RAP1GDS1: variants seen among roughly 807,000 people sequenced by gnomAD.
The protein encoded by RAP1GDS1 is Rap1 GTPase-GDP dissociation stimulator 1.
RAP1GDS1 carries 35 observed loss-of-function variants against 71.1 expected under a neutral mutation model. The observed-to-expected ratio is 0.49, with a 90% CI of 0.38 to 0.65. The LOEUF (loss-of-function observed/expected upper bound fraction) is 0.65, where lower values mean the gene tolerates loss of function less well. Ranked by LOEUF, RAP1GDS1 falls within the 30% of genes least tolerant of loss-of-function variation. RAP1GDS1 has a pLI of 0.00. For missense variants in RAP1GDS1, 663 were observed against 706.1 expected (o/e 0.94, Z 0.69); for synonymous variants, 229 against 243.1 (o/e 0.94, Z 0.54).
At chr4:98,395,777 C>G (rs1326597765) in intron 6 of RAP1GDS1, among the ~76,000 whole-genome samples, 1 of 152,094 alleles carries the variant, frequency 6.6e-6, no homozygotes, top group Non-Finnish European at 1.5e-5. Context: ...GTGCTTGCCA[C>G]ATATTATTAA....
chr4:98,437,807 A>AAT (rs1561021631), intron 14 of RAP1GDS1, among the ~76,000 whole-genome samples: 7 of 141,148 alleles, frequency 5.0e-5, no homozygotes, highest in Admixed American at 1.5e-4. Context: ...AAAAAAAAAA[A>AAT]TTTTTTTTTT....
At chr4:98,315,605 A>G (rs1730824945) in intron 2 of RAP1GDS1, among the ~76,000 whole-genome samples, 1 of 152,182 alleles carries the variant, frequency 6.6e-6, no homozygotes, top group Non-Finnish European at 1.5e-5. Context: ...CTAGTCCATT[A>G]AGAAACTGAA....
chr4:98,363,692 G>A (rs1363349413), intron 4 of RAP1GDS1, among the ~76,000 whole-genome samples: 1 of 152,090 alleles, frequency 6.6e-6, no homozygotes, highest in African/African-American at 2.4e-5. Flanking sequence ...AAGGCAAGAA[G>A]TGACATGATC....
At chr4:98,365,206 A>G (rs1202557219) in intron 4 of RAP1GDS1, among the ~76,000 whole-genome samples, 3 of 152,160 alleles carry the variant, frequency 2.0e-5, no homozygotes, top group Non-Finnish European at 4.4e-5. Context: ...TAAAAATTTG[A>G]GAGTTTGACT....
chr4:98,275,776 T>A (rs781491657), intron 1 of RAP1GDS1, among the ~76,000 whole-genome samples: 1 of 152,148 alleles, frequency 6.6e-6, no homozygotes, highest in Non-Finnish European at 1.5e-5. Context: ...GTTCCTAAAA[T>A]CTGGAGTCAT....
chr4:98,409,713 C>T (rs1368086781), intron 7 of RAP1GDS1: 6 of 445,474 alleles, frequency 1.3e-5, no homozygotes, highest in African/African-American at 4.1e-5. Flanking sequence ...TGAGAACAAA[C>T]GGAAGGGGCC....
intron 9 of RAP1GDS1, 57 bp downstream of exon 9, chr4:98,417,555 CT>C: frequency 6.5e-7 from 1 of 1,542,760 alleles, no homozygotes. Context: ...TTTATTTTTG[CT>C]TTGCTACCAC....
chr4:98,323,451 C>T (rs1201210825), intron 2 of RAP1GDS1, among the ~76,000 whole-genome samples: 3 of 103,732 alleles, frequency 2.9e-5, no homozygotes, highest in South Asian at 3.9e-4. Flanking sequence ...ATACCAAAGC[C>T]GGGCAGAGAC....
chr4:98,416,624 A>T, intron 7 of RAP1GDS1, 121 bp from the exon 8 acceptor site: 2 of 876,462 alleles, frequency 2.3e-6, no homozygotes, highest in Non-Finnish European at 3.3e-6. Flanking sequence ...TGCTGGGATT[A>T]CAGGCGTGAG....
chr4:98,418,302 A>G (rs1205886332), intron 9 of RAP1GDS1, among the ~76,000 whole-genome samples: 1 of 152,188 alleles, frequency 6.6e-6, no homozygotes, highest in Non-Finnish European at 1.5e-5. Flanking sequence ...ATGATAGCAA[A>G]AGGTAGAGTA....
chr4:98,390,212 A>C (rs1306066423), intron 5 of RAP1GDS1, among the ~76,000 whole-genome samples: 1 of 152,130 alleles, frequency 6.6e-6, no homozygotes, highest in Non-Finnish European at 1.5e-5. Context: ...AAATACTATA[A>C]CCATAATGCA....
intron 1 of RAP1GDS1, among the ~76,000 whole-genome samples, chr4:98,273,716 A>G (rs1007890383): frequency 2.2e-4 from 34 of 152,288 alleles, no homozygotes; most frequent in African/African-American, 8.2e-4. Flanking sequence ...TATTCATTGT[A>G]TGGAAGGCAC....
intron 2 of RAP1GDS1, among the ~76,000 whole-genome samples, chr4:98,323,909 G>T (rs1415247036): frequency 1.5e-5 from 2 of 137,026 alleles, no homozygotes; most frequent in African/African-American, 2.7e-5. Flanking sequence ...CATAGTGTTG[G>T]AAGTTCTGGC....
chr4:98,390,776 C>G (rs1050477025), intron 5 of RAP1GDS1, among the ~76,000 whole-genome samples: 1 of 152,012 alleles, frequency 6.6e-6, no homozygotes, highest in African/African-American at 2.4e-5. Context: ...CCAACCCTGC[C>G]AAGGGATTGG....
rs539241151 is a variant in RAP1GDS1 at position 98,413,221 on chromosome 4, A to T, written c.764-3524A>T. Among the ~76,000 whole-genome samples the T allele has an allele frequency of 8.8e-5, 13 of 148,322 alleles. No individual in the cohort carries two copies. The East Asian group carries it at 2.4e-3, about 27-fold the overall frequency. The stretch of plus-strand genomic sequence containing the variant: ...GCAATTCCTTCCCCAGGGTATTACT[A>T]TTTTTTTTTTTATTATACTTTAAGT... On this transcript the variant is annotated intron_variant, in intron 7 of 14. Coordinates refer to ENST00000408927, the MANE Select transcript of RAP1GDS1 (RefSeq NM_001100427.2).
At chr4:98,377,845 T>G (rs1741391326) in intron 4 of RAP1GDS1, among the ~76,000 whole-genome samples, 1 of 151,858 alleles carries the variant, frequency 6.6e-6, no homozygotes, top group South Asian at 2.1e-4. Context: ...TGTAGCTGAA[T>G]AGTACAGTGT....
chr4:98,282,289 C>A (rs1015524083), intron 1 of RAP1GDS1, among the ~76,000 whole-genome samples: 1 of 152,140 alleles, frequency 6.6e-6, no homozygotes, highest in Non-Finnish European at 1.5e-5. Flanking sequence ...ATTTCAGAAC[C>A]TGTTATTGGT....
intron 8 of RAP1GDS1, 55 bp from the exon 9 acceptor site, chr4:98,417,310 ATT>A: frequency 2.0e-6 from 3 of 1,532,904 alleles, no homozygotes; most frequent in Non-Finnish European, 2.7e-6. Context: ...AAGAATGTGA[ATT>A]TGTTACTCCT....
chr4:98,388,586 T>G (rs1743121775), intron 5 of RAP1GDS1, among the ~76,000 whole-genome samples: 1 of 151,942 alleles, frequency 6.6e-6, no homozygotes, highest in South Asian at 2.1e-4. Context: ...ATTAGCTAGG[T>G]GTGGTGGCAG....
Sources: gnomAD v4.1 joint callset for allele counts (sites outside exome capture counted in the v4.1 genomes callset) on GRCh38, gnomAD v4.1.1 for gene constraint, MANE v1.5 for transcripts, NCBI Gene and HGNC (gene_info 2026-07-23, HGNC 2026-07-21) for gene names.